Variants in SPIDR observed in about 807,000 individuals in gnomAD.
The protein encoded by SPIDR is scaffold protein involved in DNA repair, also known as DNA repair-scaffolding protein.
Under a neutral mutation model 104.6 loss-of-function variants are expected in SPIDR, and 93 were observed. The ratio of observed to expected loss-of-function variants is 0.89; its 90% CI spans 0.75 to 1.06. The LOEUF is 1.06. Among genes scored for constraint, SPIDR ranks in the 50% least tolerant of loss-of-function variants. The pLI, the probability that SPIDR is intolerant of heterozygous loss-of-function variation, is 0.00. For missense variants in SPIDR, 1,154 were observed against 1,111.2 expected, an observed-to-expected ratio of 1.04 and a Z score of -0.55; for synonymous variants, 431 against 416.9, an observed-to-expected ratio of 1.03 and a Z score of -0.41.
chr8:47,443,075 T>G (rs575892137), intron 8 of SPIDR, among the ~76,000 whole-genome samples: 2 of 152,320 alleles, frequency 1.3e-5, no homozygotes, highest in South Asian at 4.1e-4. Context: ...AGATCAAGAT[T>G]ATCTACAAAG....
At chr8:47,536,761 T>G (rs1046674020) in intron 8 of SPIDR, among the ~76,000 whole-genome samples, 1 of 152,212 alleles carries the variant, frequency 6.6e-6, no homozygotes. Context: ...TTGTTAAAAT[T>G]TTTAAATTCT....
At chr8:47,287,154 G>A (rs1270908043) in intron 3 of SPIDR, among the ~76,000 whole-genome samples, 3 of 152,052 alleles carry the variant, frequency 2.0e-5, no homozygotes, top group Non-Finnish European at 2.9e-5. Flanking sequence ...GGGGGTGTAC[G>A]AACAGGGAGT....
In SPIDR at chr8:47,391,361, G is replaced by C. The variant is rs373228066; in HGVS notation, c.526-5015G>C. Among the ~76,000 whole-genome samples the C allele has an allele frequency of 2.1e-4, 32 of 151,784 alleles. No homozygotes were observed. In the Middle Eastern group the frequency reaches 0.01, roughly 49 times the overall value. On this transcript the variant is annotated intron_variant, in intron 5 of 19. Coordinates refer to ENST00000297423, the MANE Select transcript of SPIDR (RefSeq NM_001080394.4). ...GAGACCATCCTGGGCAACAAAGTGA[G>C]ACCTTGTCTCTACAAAAAAAAATTT...
At chr8:47,464,895 A>G (rs1769234244) in intron 8 of SPIDR, among the ~76,000 whole-genome samples, 1 of 151,892 alleles carries the variant, frequency 6.6e-6, no homozygotes, top group Non-Finnish European at 1.5e-5. Context: ...CAGCCTCCCA[A>G]GTAGCTGGGA....
At chr8:47,633,318 G>A (rs1039633287) in intron 10 of SPIDR, among the ~76,000 whole-genome samples, 1 of 151,876 alleles carries the variant, frequency 6.6e-6, no homozygotes, top group African/African-American at 2.4e-5. Context: ...AAGGAAGGAA[G>A]TCAAGACAAG....
chr8:47,399,786 T>C (rs2061643341), intron 6 of SPIDR, among the ~76,000 whole-genome samples: 1 of 152,064 alleles, frequency 6.6e-6, no homozygotes. Context: ...AGAATGAGAA[T>C]GTGCAGGATG....
At chr8:47,625,213 A>G (rs2065861679) in intron 10 of SPIDR, among the ~76,000 whole-genome samples, 1 of 152,222 alleles carries the variant, frequency 6.6e-6, no homozygotes. Context: ...CTCTCAATAA[A>G]TTAGGTATTG....
intron 6 of SPIDR, among the ~76,000 whole-genome samples, chr8:47,397,484 A>G (rs996581540): frequency 6.6e-6 from 1 of 152,220 alleles, no homozygotes; most frequent in African/African-American, 2.4e-5. Flanking sequence ...CAACAGGGCA[A>G]GACTCCGTCT....
chr8:47,442,634 C>A (rs1336048773), intron 8 of SPIDR, among the ~76,000 whole-genome samples: 4 of 152,186 alleles, frequency 2.6e-5, no homozygotes, highest in Non-Finnish European at 5.9e-5. Context: ...TCTTTGTTCA[C>A]CCCTTAGTTT....
At chr8:47,611,590 T>C (rs1442533329) in intron 10 of SPIDR, among the ~76,000 whole-genome samples, 1 of 151,660 alleles carries the variant, frequency 6.6e-6, no homozygotes, top group Non-Finnish European at 1.5e-5. Context: ...CCCAGCTACT[T>C]GGGAGGCTGA....
At chr8:47,727,510 A>T (rs2084434549) in intron 17 of SPIDR, among the ~76,000 whole-genome samples, 1 of 152,104 alleles carries the variant, frequency 6.6e-6, no homozygotes, top group Non-Finnish European at 1.5e-5. Context: ...CTGTTATGAG[A>T]TAGATGTGCT....
At chr8:47,364,178 A>G (rs1486408977) in intron 5 of SPIDR, among the ~76,000 whole-genome samples, 1 of 152,222 alleles carries the variant, frequency 6.6e-6, no homozygotes, top group African/African-American at 2.4e-5. Flanking sequence ...TAGAACAGTA[A>G]CTGGTCACAT....
At chr8:47,342,326 G>GCCTTTT (rs2050907582) in intron 5 of SPIDR, among the ~76,000 whole-genome samples, 1 of 120,932 alleles carries the variant, frequency 8.3e-6, no homozygotes, top group Non-Finnish European at 1.7e-5. Flanking sequence ...ACTTTCAAAG[G>GCCTTTT]TCTTTTTTTT....
chr8:47,654,403 C>T (rs2072298141), intron 10 of SPIDR, among the ~76,000 whole-genome samples: 1 of 152,200 alleles, frequency 6.6e-6, no homozygotes, highest in Non-Finnish European at 1.5e-5. Context: ...AAATAGAGTA[C>T]TTCCAGGTTT....
Position 47,701,937 on chromosome 8 carries a change from T to A in SPIDR, c.1918-19T>A. The stretch of plus-strand genomic sequence containing the variant: ...TGTGCTTCGTGTAATGCTGCCAACC[T>A]TTTCTAATTCCTTTCCAGATGAATG... On this transcript the variant is annotated intron_variant, in intron 13 of 19. Coordinates refer to ENST00000297423, the MANE Select transcript of SPIDR (RefSeq NM_001080394.4). The A allele has an allele frequency of 6.2e-7, 1 of 1,614,156 alleles. No homozygotes were observed. The highest frequency in any genetic ancestry group is 8.5e-7 in the Non-Finnish European group (1 of 1,180,034).
At chr8:47,514,007 G>A (rs1485273806) in intron 8 of SPIDR, among the ~76,000 whole-genome samples, 1 of 152,172 alleles carries the variant, frequency 6.6e-6, no homozygotes, top group Non-Finnish European at 1.5e-5. Flanking sequence ...TAATGTGAAA[G>A]TCACATAGTA....
chr8:47,724,605 G>A (rs1266383144), intron 16 of SPIDR, among the ~76,000 whole-genome samples: 1 of 152,240 alleles, frequency 6.6e-6, no homozygotes, highest in African/African-American at 2.4e-5. Flanking sequence ...GGCTTGGGCA[G>A]CTCTCCCAGC....
intron 5 of SPIDR, among the ~76,000 whole-genome samples, chr8:47,300,832 T>A (rs1186919690): frequency 6.6e-6 from 1 of 152,198 alleles, no homozygotes; most frequent in East Asian, 1.9e-4. Context: ...ATAATTTCTG[T>A]TCTTTTACAT....
intron 8 of SPIDR, among the ~76,000 whole-genome samples, chr8:47,564,968 CA>C (rs1425405230): frequency 6.6e-6 from 1 of 152,036 alleles, no homozygotes; most frequent in South Asian, 2.1e-4. Flanking sequence ...CATTGACGGC[CA>C]GGCACACTCG....
Sources: gnomAD v4.1 joint callset for allele counts (sites outside exome capture counted in the v4.1 genomes callset) on GRCh38, gnomAD v4.1.1 for gene constraint, MANE v1.5 for transcripts, NCBI Gene and HGNC (gene_info 2026-07-23, HGNC 2026-07-21) for gene names.